The following TRAP1 variants were observed in gnomAD, a reference collection of about 807,000 sequenced individuals.
TRAP1 encodes the protein TNF receptor associated protein 1.
A neutral mutation model predicts 89.1 loss-of-function variants in TRAP1; 102 were observed. That is an observed-to-expected ratio of 1.15 (90% CI 0.98 to 1.35). The LOEUF is 1.35. Among genes scored for constraint, TRAP1 ranks in the 40% most tolerant of loss-of-function variants. The probability of loss-of-function intolerance (pLI) is 0.00; values close to 1 mark genes in which losing one functional copy is unlikely to be tolerated. For missense variants in TRAP1, 1,256 were observed against 945.3 expected (o/e 1.33, Z -4.31); for synonymous variants, 508 against 388.0 (o/e 1.31, Z -3.64).
In TRAP1 at chr16:3,658,844, C is replaced by T. The variant is rs370413693; in HGVS notation, c.1962G>A (p.Leu654=). Reference sequence around the variant, plus strand: ...CAGGCTCGCTTGCGCGCAGCTGATTCAGCTTCTTGATGAGCGCGTGCCTGC... The same window carrying T: ...CAGGCTCGCTTGCGCGCAGCTGATTTAGCTTCTTGATGAGCGCGTGCCTGC... ...INPRHALIKK[L]NQLRASEPGL... The change falls in exon 17 of 18, where the codon CTG becomes CTA. Residue 654 remains leucine, a synonymous_variant. Coordinates refer to ENST00000246957, the MANE Select transcript of TRAP1 (RefSeq NM_016292.3). 7 of 1,613,954 alleles carry T rather than the reference C, an allele frequency of 4.3e-6. No individual in the cohort carries two copies. In the African/African-American group the frequency reaches 8.0e-5, roughly 18 times the overall value.
At chr16:3,675,272 G>A (rs375865183) in intron 8 of TRAP1, 52 bp downstream of exon 8, 24 of 1,574,580 alleles carry the variant, frequency 1.5e-5, no homozygotes, top group Non-Finnish European at 1.8e-5. Flanking sequence ...GCCCTGAAAC[G>A]TACAGATTTG....
Position 3,717,523 on chromosome 16 carries a change from G to C in TRAP1, c.-15C>G. The C allele has an allele frequency of 2.2e-6, 3 of 1,355,040 alleles. No individual in the cohort carries two copies. The highest frequency in any genetic ancestry group is 1.9e-6 in the Non-Finnish European group (2 of 1,054,724). The allele number at this position is 1,355,040 out of a possible 1,614,324, so 83.9% of individuals were successfully genotyped here. The stretch of plus-strand genomic sequence containing the variant: ...TCGCGCGCCATGTCGTACTCCCAGA[G>C]CGCCGCGCGCAGCCACGCGGGACCG... On this transcript the variant is annotated 5_prime_UTR_variant, in exon 1 of 18. Coordinates refer to ENST00000246957, the MANE Select transcript of TRAP1 (RefSeq NM_016292.3).
intron 1 of TRAP1, among the ~76,000 whole-genome samples, chr16:3,706,963 G>C (rs2051455966): frequency 6.6e-6 from 1 of 152,068 alleles, no homozygotes; most frequent in South Asian, 2.1e-4. Flanking sequence ...TCCTGCAGAG[G>C]TCGCACCGTT....
chr16:3,658,299 C>G (rs912729878), intron 17 of TRAP1, 69 bp from the exon 18 acceptor site: 8 of 1,249,814 alleles, frequency 6.4e-6, no homozygotes, highest in Middle Eastern at 1.9e-4. Context: ...TTTTTTGAGA[C>G]AGAGTCTCAC....
rs774590500 is a variant in TRAP1 at position 3,676,364 on chromosome 16, C to CGGGCGGG, written c.705-226_705-220dup. The CGGGCGGG allele has an allele frequency of 1.3e-4, 26 of 192,700 alleles. 1 individual carries two copies. Among genetic ancestry groups the CGGGCGGG allele is most frequent in the Middle Eastern group, 1.9e-3 (1 of 540 alleles). 11.9% of individuals were successfully genotyped at this position (192,700 alleles called of 1,614,324 possible). Reference sequence around the variant, plus strand: ...GGCGGCAGAGTTCTCCTGGTTCCCTCGGGCGGGGGGCGGGGGGGCGGGGGT... The same window carrying CGGGCGGG: ...GGCGGCAGAGTTCTCCTGGTTCCCTCGGGCGGGGGGCGGGGGGCGGGGGGGCGGGGGT... On this transcript the variant is annotated intron_variant, in intron 6 of 17. Coordinates refer to ENST00000246957, the MANE Select transcript of TRAP1 (RefSeq NM_016292.3).
At chr16:3,672,481 A>G (rs968456006) in intron 10 of TRAP1, among the ~76,000 whole-genome samples, 32 of 152,206 alleles carry the variant, frequency 2.1e-4, no homozygotes, top group Non-Finnish European at 2.2e-4. Flanking sequence ...AAAGACCTCA[A>G]TCTGAACACC....
intron 15 of TRAP1, 141 bp downstream of exon 15, chr16:3,662,741 C>T: frequency 1.3e-6 from 1 of 784,000 alleles, no homozygotes; most frequent in Admixed American, 2.0e-5. Flanking sequence ...GAGCAGGGAC[C>T]CACAGGGTCT....
chr16:3,677,194 C>A (rs1264714757), intron 6 of TRAP1, among the ~76,000 whole-genome samples: 1 of 152,100 alleles, frequency 6.6e-6, no homozygotes. Context: ...TCACAGGAGG[C>A]TGCATAGTGT....
In TRAP1 at chr16:3,665,985, C is replaced by A. The variant is rs146643872; in HGVS notation, c.1369G>T (p.Glu457Ter). ...AGCTCCTATACCTTGACCTCCTGCT[C>A]GGTGGCGGTCACAATGCCCTCCCGC... ...FMREGIVTAT[E>*]QEVKEDIAKL... Residue 457 changes from glutamate (E) to a stop codon, truncating the protein, a stop_gained, in exon 12 of 18, where the codon GAG becomes TAG. Transcript: ENST00000246957. LOFTEE classifies it high-confidence loss of function. 2.5e-6 allele frequency: 4 copies of A among 1,613,680 alleles called. No homozygotes were observed. The highest frequency in any genetic ancestry group is 1.1e-5 in the South Asian group (1 of 90,980).
At chr16:3,699,133 C>T (rs1338379155) in intron 1 of TRAP1, among the ~76,000 whole-genome samples, 1 of 152,110 alleles carries the variant, frequency 6.6e-6, no homozygotes, top group East Asian at 1.9e-4. Context: ...CCCTTCCACC[C>T]CCCACATCCC....
At chr16:3,682,645 G>A (rs1384254494) in intron 4 of TRAP1, among the ~76,000 whole-genome samples, 3 of 152,044 alleles carry the variant, frequency 2.0e-5, no homozygotes, top group East Asian at 1.9e-4. Context: ...TGCCCGCCAC[G>A]GCCTCCCAAA....
At chr16:3,676,653 A>C (rs537392994) in intron 6 of TRAP1, 1 of 152,882 alleles carries the variant, frequency 6.5e-6, no homozygotes, top group East Asian at 1.9e-4. Context: ...CAGGAATGTT[A>C]GTTTTGGGAG....
chr16:3,669,330 G>A (rs907562704), intron 11 of TRAP1, among the ~76,000 whole-genome samples: 2 of 152,198 alleles, frequency 1.3e-5, no homozygotes, highest in African/African-American at 4.8e-5. Flanking sequence ...CAGCACAACT[G>A]CTGCCCTGTG....
Position 3,672,759 on chromosome 16 carries a change from T to C in TRAP1, c.1106A>G (p.Lys369Arg), listed in dbSNP as rs199811358. The C allele has an allele frequency of 3.7e-6, 6 of 1,612,082 alleles. No individual in the cohort carries two copies. The Admixed American group carries it at 1.0e-4, about 27-fold the overall frequency. The part of the protein sequence containing the change: ...LGSSVALYSR[K>R]VLIQTKATDI... Reference sequence around the variant, plus strand: ...CGTGGCCTTGGTCTGGATGAGGACTTTGCGGCTGTACAGTGCAACGCTGGA... The same window carrying C: ...CGTGGCCTTGGTCTGGATGAGGACTCTGCGGCTGTACAGTGCAACGCTGGA... The change falls in exon 10 of 18, where the codon AAA (lysine) becomes AGA (arginine). Residue 369 changes from lysine (K) to arginine (R), a missense_variant. Lys to Arg is a conservative substitution (Grantham distance 26, BLOSUM62 2). Coordinates refer to ENST00000246957, the MANE Select transcript of TRAP1 (RefSeq NM_016292.3).
At chr16:3,664,646 T>G in intron 12 of TRAP1, 187 bp from the exon 13 acceptor site, 1 of 610,580 alleles carries the variant, frequency 1.6e-6, no homozygotes, top group Non-Finnish European at 2.7e-6. Flanking sequence ...AGGCCCCTTT[T>G]GGGAGCTCTG....
chr16:3,683,572 G>T (rs1283946268), intron 4 of TRAP1, among the ~76,000 whole-genome samples: 2 of 151,612 alleles, frequency 1.3e-5, no homozygotes, highest in Non-Finnish European at 2.9e-5. Context: ...TTTTATTAGA[G>T]ATGGGGTTTC....
At position 3,693,247 on chromosome 16, in the gene TRAP1, C is replaced by A. The variant is rs139621007; in HGVS notation, c.89-2262G>T. Among the ~76,000 whole-genome samples, 9 of 152,284 alleles carry A rather than the reference C, an allele frequency of 5.9e-5. No homozygotes were observed. In the East Asian group the frequency reaches 1.7e-3, roughly 29 times the overall value. The stretch of plus-strand genomic sequence containing the variant: ...TACAGGCGTGAGCCACCATGCCCGG[C>A]CAACCCTAGCCTGTCTTTATCTCTA... On this transcript the variant is annotated intron_variant, in intron 1 of 17. Transcript: ENST00000246957.
At chr16:3,712,529 G>C (rs2051546360) in intron 1 of TRAP1, among the ~76,000 whole-genome samples, 2 of 152,012 alleles carry the variant, frequency 1.3e-5, no homozygotes, top group Non-Finnish European at 2.9e-5. Context: ...AAAATACTTG[G>C]AGATTCCTCT....
At position 3,658,224 on chromosome 16, in the gene TRAP1, C is replaced by T. The variant is rs371641134; in HGVS notation, c.2020G>A (p.Glu674Lys). 5.0e-6 allele frequency: 8 copies of T among 1,613,400 alleles called. No homozygotes were observed. Among genetic ancestry groups the T allele is most frequent in the Admixed American group, 1.7e-5 (1 of 59,992 alleles). ...AGTCCAGCAGCAATCATGGCGTTCT[C>T]GTATATCTGAAAGGCAAGAGGAGAA... ...LAQLLVDQIYENAMIAAGLVD... is the reference protein window; with the variant it reads ...LAQLLVDQIYKNAMIAAGLVD... The change falls in exon 18 of 18, where the codon GAG becomes AAG. Residue 674 changes from glutamate to lysine, a missense_variant. Coordinates refer to ENST00000246957, the MANE Select transcript of TRAP1 (RefSeq NM_016292.3).
Sources: gnomAD v4.1 joint callset for allele counts (sites outside exome capture counted in the v4.1 genomes callset) on GRCh38, gnomAD v4.1.1 for gene constraint, MANE v1.5 for transcripts, NCBI Gene and HGNC (gene_info 2026-07-23, HGNC 2026-07-21) for gene names.